SLC24A3: variants seen among roughly 807,000 people sequenced by gnomAD.
SLC24A3 encodes sodium/potassium/calcium exchanger 3.
SLC24A3 carries 28 observed loss-of-function variants against 75.8 expected under a neutral mutation model. The ratio of observed to expected loss-of-function variants is 0.37; its 90% CI spans 0.27 to 0.51. SLC24A3 has a LOEUF of 0.51. Ranked by LOEUF, SLC24A3 falls within the 20% of genes least tolerant of loss-of-function variation. SLC24A3 has a pLI of 0.94. For synonymous variants in SLC24A3, 372 were observed against 334.1 expected, an observed-to-expected ratio of 1.11 and a Z score of -1.24; for missense variants, 663 against 847.8, an observed-to-expected ratio of 0.78 and a Z score of 2.71.
At chr20:19,418,387 A>G (rs535724081) in intron 2 of SLC24A3, among the ~76,000 whole-genome samples, 64 of 152,334 alleles carry the variant, frequency 4.2e-4, no homozygotes, top group African/African-American at 1.5e-3. Flanking sequence ...ATCCAAAAAA[A>G]TAGTGCCAAC....
intron 1 of SLC24A3, among the ~76,000 whole-genome samples, chr20:19,273,458 G>A (rs1010489910): frequency 3.3e-5 from 5 of 152,170 alleles, no homozygotes; most frequent in Non-Finnish European, 7.3e-5. Context: ...CTTTCTCTGT[G>A]CCGCCAGCCC....
chr20:19,325,791 T>TAG (rs1479182142), intron 2 of SLC24A3, among the ~76,000 whole-genome samples: 21 of 89,426 alleles, frequency 2.3e-4, no homozygotes, highest in Non-Finnish European at 3.3e-4. Flanking sequence ...TATATATATA[T>TAG]ATATAGAGAG....
chr20:19,293,443 G>C (rs1983988109), intron 2 of SLC24A3, among the ~76,000 whole-genome samples: 1 of 151,932 alleles, frequency 6.6e-6, no homozygotes. Context: ...ATCACCCGAG[G>C]TCAGGAGTTC....
At chr20:19,528,165 G>T (rs2030232077) in intron 3 of SLC24A3, among the ~76,000 whole-genome samples, 1 of 152,100 alleles carries the variant, frequency 6.6e-6, no homozygotes, top group Non-Finnish European at 1.5e-5. Context: ...CATTTCTGGT[G>T]CTTCTTTGTT....
intron 1 of SLC24A3, among the ~76,000 whole-genome samples, chr20:19,226,997 G>A (rs1480518313): frequency 6.6e-6 from 1 of 152,170 alleles, no homozygotes; most frequent in African/African-American, 2.4e-5. Context: ...ATTTCTAAAG[G>A]TGGTATTTCA....
chr20:19,519,041 A>G (rs2030051442), intron 3 of SLC24A3, among the ~76,000 whole-genome samples: 1 of 152,150 alleles, frequency 6.6e-6, no homozygotes, highest in Non-Finnish European at 1.5e-5. Flanking sequence ...GCTTCCCCCA[A>G]GAGAGGGCCA....
At chr20:19,490,499 T>C (rs1988193777) in intron 2 of SLC24A3, among the ~76,000 whole-genome samples, 1 of 152,184 alleles carries the variant, frequency 6.6e-6, no homozygotes, top group South Asian at 2.1e-4. Flanking sequence ...ATTAACCACC[T>C]AAAATAGCGG....
At chr20:19,392,066 C>T (rs1050819098) in intron 2 of SLC24A3, among the ~76,000 whole-genome samples, 14 of 151,942 alleles carry the variant, frequency 9.2e-5, no homozygotes, top group African/African-American at 3.4e-4. Flanking sequence ...GCCTAGGTGT[C>T]GGGGGCACAC....
intron 1 of SLC24A3, chr20:19,264,239 CCAAGAT>C (rs1241982130): frequency 6.6e-6 from 1 of 152,090 alleles, no homozygotes; most frequent in African/African-American, 2.4e-5. Context: ...GACATTGTTT[CCAAGAT>C]GAGGTCAAGG....
chr20:19,410,326 G>A (rs1020550295), intron 2 of SLC24A3, among the ~76,000 whole-genome samples: 3 of 152,110 alleles, frequency 2.0e-5, no homozygotes, highest in African/African-American at 4.8e-5. Flanking sequence ...CCCAGCGTGC[G>A]GTCATGGCCT....
In SLC24A3 at chr20:19,527,020, C is replaced by T. The variant is rs556058930; in HGVS notation, c.348+11456C>T. ...TCTCATAAACCCCATGTATCACGGC[C>T]TAGCAAAAATTAATTATTCACCACC... On this transcript the variant is annotated intron_variant, in intron 3 of 16. Coordinates refer to ENST00000328041, the MANE Select transcript of SLC24A3 (RefSeq NM_020689.4). Among the ~76,000 whole-genome samples, 506 of 152,186 alleles carry T rather than the reference C, an allele frequency of 3.3e-3. 3 individuals carry two copies. Among genetic ancestry groups the T allele is most frequent in the African/African-American group, 0.011 (476 of 41,522 alleles).
intron 3 of SLC24A3, among the ~76,000 whole-genome samples, chr20:19,527,845 A>G (rs751173586): frequency 2.0e-5 from 3 of 152,310 alleles, no homozygotes; most frequent in Non-Finnish European, 4.4e-5. Context: ...TCCCTGAAGG[A>G]TTGGCTTCTA....
rs1984607452 is a variant in SLC24A3 at position 19,317,250 on chromosome 20, A to G, written c.271+36163A>G. Among the ~76,000 whole-genome samples the G allele has an allele frequency of 2.0e-5, 3 of 152,254 alleles. No homozygotes were observed. In the South Asian group the frequency reaches 6.2e-4, roughly 32 times the overall value. ...AAACCCAGGCAGTACCATTTAGGAC[A>G]TAGGCATGGGCAAAGATTTCATGAC... On this transcript the variant is annotated intron_variant, in intron 2 of 16. Transcript: ENST00000328041.
chr20:19,696,223 T>TGGACACA (rs1204471315), intron 13 of SLC24A3: 2 of 152,234 alleles, frequency 1.3e-5, no homozygotes, highest in African/African-American at 4.8e-5. Flanking sequence ...CTCACTATGT[T>TGGACACA]GCTCACGCTG....
At chr20:19,258,561 G>T (rs951215800) in intron 1 of SLC24A3, among the ~76,000 whole-genome samples, 2 of 152,112 alleles carry the variant, frequency 1.3e-5, no homozygotes, top group Non-Finnish European at 2.9e-5. Flanking sequence ...AAATTAGCTG[G>T]TTGTGGTGCA....
At chr20:19,429,647 C>G (rs1297961654) in intron 2 of SLC24A3, among the ~76,000 whole-genome samples, 2 of 152,136 alleles carry the variant, frequency 1.3e-5, no homozygotes, top group African/African-American at 4.8e-5. Flanking sequence ...TGAGGTTCTT[C>G]CAGGATTATC....
intron 2 of SLC24A3, among the ~76,000 whole-genome samples, chr20:19,406,729 G>A (rs1191030892): frequency 6.6e-6 from 1 of 152,208 alleles, no homozygotes; most frequent in African/African-American, 2.4e-5. Flanking sequence ...AGACATCACA[G>A]CGTGCTCTAT....
intron 1 of SLC24A3, among the ~76,000 whole-genome samples, chr20:19,275,481 AG>A (rs1983456244): frequency 6.6e-6 from 1 of 152,134 alleles, no homozygotes; most frequent in Non-Finnish European, 1.5e-5. Flanking sequence ...GCCTGGGGCT[AG>A]TGTTTGGGAA....
chr20:19,273,649 ACT>A (rs2039646174), intron 1 of SLC24A3, among the ~76,000 whole-genome samples: 1 of 151,576 alleles, frequency 6.6e-6, no homozygotes, highest in African/African-American at 2.4e-5. Flanking sequence ...GCAGATTCTG[ACT>A]CTGGTCCAGC....
Sources: gnomAD v4.1 joint callset for allele counts (sites outside exome capture counted in the v4.1 genomes callset) on GRCh38, gnomAD v4.1.1 for gene constraint, MANE v1.5 for transcripts, NCBI Gene and HGNC (gene_info 2026-07-23, HGNC 2026-07-21) for gene names.